IL1RAPL1: variants seen among roughly 807,000 people sequenced by gnomAD.
IL1RAPL1 encodes the protein interleukin-1 receptor accessory protein-like 1.
IL1RAPL1 carries 3 observed loss-of-function variants against 48.4 expected under a neutral mutation model. The observed-to-expected ratio is 0.06, with a 90% CI of 0.03 to 0.16. The LOEUF is 0.16. IL1RAPL1 is among the 10% of genes least tolerant of loss of function. The pLI is 1.00. For synonymous variants in IL1RAPL1, 185 were observed against 187.7 expected (o/e 0.99, Z 0.12); for missense variants, 349 against 530.6 (o/e 0.66, Z 3.36).
chrX:29,913,799 GA>G, intron 6 of IL1RAPL1, among the ~76,000 whole-genome samples: 1 of 110,843 alleles, frequency 9.0e-6, no homozygotes, highest in Non-Finnish European at 1.9e-5. Flanking sequence ...CCCTGAAATG[GA>G]AGTCTCACAT....
chrX:29,344,172 G>A (rs1312506399), intron 3 of IL1RAPL1, among the ~76,000 whole-genome samples: 1 of 112,376 alleles, frequency 8.9e-6, no homozygotes, highest in Non-Finnish European at 1.9e-5. Flanking sequence ...ACCGATGTGA[G>A]ATTTCACTTA....
intron 3 of IL1RAPL1, among the ~76,000 whole-genome samples, chrX:29,350,589 AGTGTGT>A (rs777732717): frequency 1.2e-5 from 1 of 81,073 alleles, no homozygotes; most frequent in African/African-American, 4.7e-5. Flanking sequence ...AGTCTGAGTG[AGTGTGT>A]GTGTGTGCGT....
At chrX:29,913,449 T>C (rs868104557) in intron 6 of IL1RAPL1, among the ~76,000 whole-genome samples, 2 of 104,853 alleles carry the variant, frequency 1.9e-5, no homozygotes, top group African/African-American at 7.1e-5. Flanking sequence ...CACATATATA[T>C]ACATATATAT....
intron 2 of IL1RAPL1, among the ~76,000 whole-genome samples, chrX:29,056,339 TTTTA>T (rs1927213641): frequency 9.0e-6 from 1 of 111,476 alleles, no homozygotes; most frequent in Admixed American, 9.6e-5. Flanking sequence ...AGATCTCTTG[TTTTA>T]TTTATTTATT....
At chrX:29,817,469 G>A (rs753769362) in intron 6 of IL1RAPL1, among the ~76,000 whole-genome samples, 44 of 111,058 alleles carry the variant, frequency 4.0e-4, no homozygotes, top group African/African-American at 1.3e-3. Flanking sequence ...CAGCTGAAAG[G>A]TGTATGAAGT....
intron 1 of IL1RAPL1, among the ~76,000 whole-genome samples, chrX:28,641,199 T>A (rs1487567707): frequency 9.1e-6 from 1 of 110,212 alleles, no homozygotes; most frequent in Admixed American, 9.7e-5. Flanking sequence ...TTTCTCCTAA[T>A]GCTATCCCTC....
At chrX:29,033,750 T>G (rs1434924708) in intron 2 of IL1RAPL1, among the ~76,000 whole-genome samples, 1 of 111,024 alleles carries the variant, frequency 9.0e-6, no homozygotes, top group Non-Finnish European at 1.9e-5. Context: ...AAACAGAGGT[T>G]AGGCAAAGAA....
intron 6 of IL1RAPL1, among the ~76,000 whole-genome samples, chrX:29,914,186 A>G (rs1932780352): frequency 8.9e-6 from 1 of 112,230 alleles, no homozygotes; most frequent in Non-Finnish European, 1.9e-5. Flanking sequence ...TGGCTGAGAA[A>G]GCAGATTGCT....
chrX:29,589,432 T>C (rs1923296563), intron 5 of IL1RAPL1, among the ~76,000 whole-genome samples: 1 of 110,449 alleles, frequency 9.1e-6, no homozygotes, highest in African/African-American at 3.4e-5. Flanking sequence ...TTATCATATT[T>C]TCCATGGCAC....
At chrX:29,285,505 C>T (rs1459068566) in intron 3 of IL1RAPL1, among the ~76,000 whole-genome samples, 8 of 62,021 alleles carry the variant, frequency 1.3e-4, no homozygotes, top group African/African-American at 5.6e-4. Flanking sequence ...GCACTGGCAA[C>T]AAGAGCCAAA....
intron 2 of IL1RAPL1, among the ~76,000 whole-genome samples, chrX:29,116,196 G>A (rs1387154119): frequency 1.8e-5 from 2 of 110,913 alleles, no homozygotes; most frequent in African/African-American, 6.5e-5. Context: ...AAATGCTTGG[G>A]TAAGAATTGA....
intron 6 of IL1RAPL1, among the ~76,000 whole-genome samples, chrX:29,752,076 G>GTGTA (rs1391674592): frequency 3.6e-4 from 32 of 89,483 alleles, no homozygotes; most frequent in Non-Finnish European, 5.9e-4. Context: ...ATATATGTGT[G>GTGTA]TATGTATATA....
At chrX:29,867,252 C>T in intron 6 of IL1RAPL1, among the ~76,000 whole-genome samples, 1 of 111,977 alleles carries the variant, frequency 8.9e-6, no homozygotes, top group Non-Finnish European at 1.9e-5. Context: ...CTTCTGTGTG[C>T]TCTTTGTTTT....
chrX:29,853,578 A>T (rs1282105998), intron 6 of IL1RAPL1, among the ~76,000 whole-genome samples: 1 of 111,284 alleles, frequency 9.0e-6, no homozygotes, highest in African/African-American at 3.3e-5. Flanking sequence ...TATGGGTAAC[A>T]CTTGTATTTG....
intron 9 of IL1RAPL1, among the ~76,000 whole-genome samples, chrX:29,948,301 C>T (rs1241314597): frequency 3.6e-5 from 4 of 110,914 alleles, no homozygotes; most frequent in African/African-American, 1.3e-4. Context: ...AGAAAAGTAC[C>T]AAATGGCACA....
At chrX:28,905,000 ATTTGC>A (rs961453485) in intron 2 of IL1RAPL1, among the ~76,000 whole-genome samples, 4 of 110,822 alleles carry the variant, frequency 3.6e-5, no homozygotes, top group African/African-American at 1.3e-4. Flanking sequence ...TTCTCTTTTG[ATTTGC>A]TTTGAGGTAT....
intron 3 of IL1RAPL1, among the ~76,000 whole-genome samples, chrX:29,335,255 G>GGGAGAC (rs1165942711): frequency 0.021 from 1,010 of 47,464 alleles, 125 homozygotes; most frequent in African/African-American, 0.079. Flanking sequence ...AGACCGTGGA[G>GGGAGAC]GGAGACGGAG....
chrX:28,682,348 G>A (rs965304405), intron 1 of IL1RAPL1, among the ~76,000 whole-genome samples: 2 of 110,024 alleles, frequency 1.8e-5, no homozygotes, highest in African/African-American at 6.6e-5. Flanking sequence ...TCATTCTGTC[G>A]CCCAGGCTGA....
intron 5 of IL1RAPL1, among the ~76,000 whole-genome samples, chrX:29,415,580 C>T (rs768080038): frequency 7.3e-5 from 8 of 110,231 alleles, no homozygotes; most frequent in East Asian, 5.7e-4. Context: ...CCACCACGCC[C>T]GGCTAATTTT....
Sources: allele counts gnomAD v4.1 joint callset (sites outside exome capture counted in the v4.1 genomes callset), GRCh38; gene constraint gnomAD v4.1.1; transcripts MANE v1.5; gene names NCBI Gene and HGNC (gene_info 2026-07-23, HGNC 2026-07-21).